Variants in SUSD6 observed in about 807,000 individuals in gnomAD.
SUSD6 encodes the protein sushi domain containing 6.
In SUSD6, 16 loss-of-function variants were observed where a neutral mutation model predicts 28.4. The observed-to-expected ratio is 0.56, with a 90% CI of 0.38 to 0.86. The LOEUF (loss-of-function observed/expected upper bound fraction) is 0.86, where lower values mean the gene tolerates loss of function less well. Ranked by LOEUF, SUSD6 falls within the 40% of genes least tolerant of loss-of-function variation. SUSD6 has a pLI of 0.00. For synonymous variants in SUSD6, 147 were observed against 159.6 expected (o/e 0.92, Z 0.59); for missense variants, 341 against 384.2 (o/e 0.89, Z 0.94).
chr14:69,709,434 G>A (rs1336019340), intron 5 of SUSD6, among the ~76,000 whole-genome samples: 1 of 152,172 alleles, frequency 6.6e-6, no homozygotes, highest in Non-Finnish European at 1.5e-5. Flanking sequence ...TTATGTTCCT[G>A]AAAGGTCAGG....
rs990080566 is a variant in SUSD6 at position 69,611,836 on chromosome 14, G to A, written c.-81+8G>A. On this transcript the variant is annotated splice_region_variant and intron_variant, in intron 1 of 5. Transcript: ENST00000342745. ...GTCTCCGCCGGCTCCCGGGTGAGTTGTCACCGCGGCCCGGGGGCGGCGGGG... is the reference window on the plus strand; with the variant it reads ...GTCTCCGCCGGCTCCCGGGTGAGTTATCACCGCGGCCCGGGGGCGGCGGGG... The A allele has an allele frequency of 6.6e-5, 10 of 151,816 alleles. No homozygotes were observed. The highest frequency in any genetic ancestry group is 5.9e-4 in the Admixed American group (9 of 15,276). The allele number at this position is 151,816 out of a possible 1,614,324, so 9.4% of individuals were successfully genotyped here.
At chr14:69,656,466 C>G (rs1420150269) in intron 1 of SUSD6, among the ~76,000 whole-genome samples, 1 of 152,188 alleles carries the variant, frequency 6.6e-6, no homozygotes, top group Non-Finnish European at 1.5e-5. Context: ...GGGCCCATTG[C>G]CAGTTCTGTC....
At chr14:69,644,641 C>CA (rs548788280) in intron 1 of SUSD6, among the ~76,000 whole-genome samples, 128 of 133,816 alleles carry the variant, frequency 9.6e-4, no homozygotes, top group Middle Eastern at 4.0e-3. Flanking sequence ...GACTCCGTCT[C>CA]AAAAAAAAAA....
chr14:69,640,113 C>T (rs1021613817), intron 1 of SUSD6, among the ~76,000 whole-genome samples: 18 of 151,568 alleles, frequency 1.2e-4, no homozygotes, highest in African/African-American at 4.1e-4. Flanking sequence ...TATAGACTCC[C>T]GGGAAAGCTC....
chr14:69,682,096 C>T (rs1886004841), intron 2 of SUSD6, among the ~76,000 whole-genome samples: 1 of 152,064 alleles, frequency 6.6e-6, no homozygotes, highest in Non-Finnish European at 1.5e-5. Context: ...CTTCGGGAGG[C>T]CAAGGTGGGA....
chr14:69,642,596 A>G (rs1055825551), intron 1 of SUSD6, among the ~76,000 whole-genome samples: 8 of 151,946 alleles, frequency 5.3e-5, no homozygotes, highest in Non-Finnish European at 8.8e-5. Flanking sequence ...CTTATTCACT[A>G]TCATGAGAAT....
At chr14:69,701,845 A>T (rs1324598156) in intron 2 of SUSD6, among the ~76,000 whole-genome samples, 1 of 152,216 alleles carries the variant, frequency 6.6e-6, no homozygotes, top group Non-Finnish European at 1.5e-5. Flanking sequence ...ACCTAAAAAA[A>T]GAAAAGAAAA....
intron 4 of SUSD6, 150 bp downstream of exon 4, chr14:69,704,892 C>G: frequency 1.4e-6 from 1 of 715,746 alleles, no homozygotes; most frequent in South Asian, 1.8e-5. Context: ...TGTCAAACTC[C>G]TAGATGTGCC....
intron 2 of SUSD6, among the ~76,000 whole-genome samples, chr14:69,682,660 C>G (rs1003106455): frequency 5.3e-5 from 8 of 152,142 alleles, no homozygotes; most frequent in Non-Finnish European, 8.8e-5. Flanking sequence ...ATTACATTTT[C>G]CCCTAATTTT....
chr14:69,615,293 C>CTG (rs1282697938), intron 1 of SUSD6, among the ~76,000 whole-genome samples: 1 of 152,230 alleles, frequency 6.6e-6, no homozygotes, highest in African/African-American at 2.4e-5. Flanking sequence ...GCGTCAAGAT[C>CTG]TGTTCACTCC....
intron 1 of SUSD6, among the ~76,000 whole-genome samples, chr14:69,628,719 GTTT>G (rs11357371): frequency 3.7e-4 from 45 of 120,316 alleles, no homozygotes; most frequent in African/African-American, 5.8e-4. Flanking sequence ...CCTGTGGTGG[GTTT>G]TTTTTTTTTT....
chr14:69,631,511 T>C (rs1365216850), intron 1 of SUSD6, among the ~76,000 whole-genome samples: 1 of 152,224 alleles, frequency 6.6e-6, no homozygotes, highest in Non-Finnish European at 1.5e-5. Context: ...TTGTTTTGTT[T>C]TGCCTAAAAC....
chr14:69,666,871 G>A (rs1186645654), intron 2 of SUSD6, among the ~76,000 whole-genome samples: 2 of 152,064 alleles, frequency 1.3e-5, no homozygotes, highest in African/African-American at 4.8e-5. Flanking sequence ...CAGTGGGGAG[G>A]GGGCACAAAA....
At chr14:69,617,212 G>A (rs1236244848) in intron 1 of SUSD6, 1 of 152,222 alleles carries the variant, frequency 6.6e-6, no homozygotes, top group East Asian at 1.9e-4. Flanking sequence ...GGTTGTTTCT[G>A]TTTTTTGGTT....
intron 1 of SUSD6, among the ~76,000 whole-genome samples, chr14:69,636,373 C>T (rs1885266038): frequency 6.6e-6 from 1 of 152,188 alleles, no homozygotes; most frequent in Non-Finnish European, 1.5e-5. Context: ...CTTCAGCTTC[C>T]CTGAAATGAG....
At chr14:69,631,493 T>G (rs547508118) in intron 1 of SUSD6, among the ~76,000 whole-genome samples, 1 of 152,296 alleles carries the variant, frequency 6.6e-6, no homozygotes, top group South Asian at 2.1e-4. Flanking sequence ...CTGCTTCTGT[T>G]TTTTGTTTTG....
chr14:69,645,497 TCC>T (rs1234215005), intron 1 of SUSD6, among the ~76,000 whole-genome samples: 4 of 152,036 alleles, frequency 2.6e-5, no homozygotes, highest in Non-Finnish European at 2.9e-5. Context: ...TTAAGCTGTA[TCC>T]CCAACTTTTA....
At chr14:69,666,050 C>T (rs1395885359) in intron 2 of SUSD6, among the ~76,000 whole-genome samples, 1 of 152,188 alleles carries the variant, frequency 6.6e-6, no homozygotes, top group Non-Finnish European at 1.5e-5. Flanking sequence ...TTTTATGACA[C>T]CACAGCTGCT....
In SUSD6 at chr14:69,704,626, T is replaced by G. The variant is rs201326091; in HGVS notation, c.342T>G (p.Leu114=). The change falls in exon 4 of 6, where the codon CTT becomes CTG. Residue 114 remains leucine (L), a synonymous_variant. Transcript: ENST00000342745. The part of the protein sequence containing the change: ...LNEDKDTHTS[L]GVPTLSIVAS... ...TAGATAAAGACACCCACACATCACT[T>G]GGGGTCCCCACGCTGTCTATAGTGG... 4.3e-6 allele frequency: 7 copies of G among 1,613,872 alleles called. No individual in the cohort carries two copies. Among genetic ancestry groups the G allele is most frequent in the Non-Finnish European group, 5.9e-6 (7 of 1,179,918 alleles).
Sources: gnomAD v4.1 joint callset for allele counts (sites outside exome capture counted in the v4.1 genomes callset) on GRCh38, gnomAD v4.1.1 for gene constraint, MANE v1.5 for transcripts, NCBI Gene and HGNC (gene_info 2026-07-23, HGNC 2026-07-21) for gene names.